Variants in PLCB3 observed in about 807,000 individuals in gnomAD.
PLCB3 encodes 1-phosphatidylinositol 4,5-bisphosphate phosphodiesterase beta-3.
In PLCB3, 54 loss-of-function variants were observed where a neutral mutation model predicts 152.1. The ratio of observed to expected loss-of-function variants is 0.36; its 90% CI spans 0.29 to 0.45. The LOEUF is 0.45. Ranked by LOEUF, PLCB3 falls within the 20% of genes least tolerant of loss-of-function variation. The pLI is 1.00. For synonymous variants in PLCB3, 717 were observed against 698.7 expected, an observed-to-expected ratio of 1.03 and a Z score of -0.41; for missense variants, 1,248 against 1,687.5, an observed-to-expected ratio of 0.74 and a Z score of 4.56.
At chr11:64,253,815 G>A (rs1469799119) in intron 1 of PLCB3, among the ~76,000 whole-genome samples, 7 of 152,208 alleles carry the variant, frequency 4.6e-5, no homozygotes, top group South Asian at 2.1e-4. Flanking sequence ...CTTCTAGGGG[G>A]ACTGTTCTTC....
At chr11:64,263,936 G>A (rs2031983180) in intron 21 of PLCB3, 85 bp from the exon 22 acceptor site, 2 of 1,230,422 alleles carry the variant, frequency 1.6e-6, no homozygotes, top group East Asian at 4.7e-5. Flanking sequence ...ACAAGCTCTG[G>A]AATTCCTCAT....
chr11:64,266,077 T>C lies in PLCB3; in HGVS notation c.3189+38T>C, dbSNP rs372634553. 11 of 1,613,774 alleles carry C rather than the reference T, an allele frequency of 6.8e-6. No homozygotes were observed. The highest frequency in any genetic ancestry group is 5.3e-5 in the African/African-American group (4 of 74,882). On this transcript the variant is annotated intron_variant, in intron 26 of 30. Coordinates refer to ENST00000279230, the MANE Select transcript of PLCB3 (RefSeq NM_000932.5). The surrounding 1 kb of genome is among the most constrained non-coding windows in gnomAD (Gnocchi z 4.9). The stretch of plus-strand genomic sequence containing the variant: ...CAGTGGCCAGGGAAAGCCTGCTGGA[T>C]AGACCCGTCGTCAGCCCGGCATCAC...
Position 64,258,391 on chromosome 11 carries a change from C to A in PLCB3, c.1013-82C>A. On this transcript the variant is annotated intron_variant, in intron 10 of 30. Coordinates refer to ENST00000279230, the MANE Select transcript of PLCB3 (RefSeq NM_000932.5). The surrounding 1 kb of genome is among the most constrained non-coding windows in gnomAD (Gnocchi z 7.2). ...GATGGAGAGCCCTCTGCAAATCCAG[C>A]ATGTCCTGGTTCCAGGTGGGGCCGG... is the stretch of plus-strand genomic sequence containing the variant. The A allele has an allele frequency of 1.3e-6, 2 of 1,497,170 alleles. No individual in the cohort carries two copies. The highest frequency in any genetic ancestry group is 9.0e-7 in the Non-Finnish European group (1 of 1,109,392). 92.7% of individuals were successfully genotyped at this position (1,497,170 alleles called of 1,614,324 possible).
intron 15 of PLCB3, 28 bp downstream of exon 15, chr11:64,261,524 G>A: frequency 1.2e-6 from 2 of 1,608,766 alleles, no homozygotes; most frequent in Non-Finnish European, 8.5e-7. Flanking sequence ...GCAGGCATGG[G>A]AGCTTGCCCA....
Position 64,267,392 on chromosome 11 carries a change from G to T in PLCB3, c.3541G>T (p.Ala1181Ser). The T allele has an allele frequency of 6.5e-7, 1 of 1,543,038 alleles. No individual in the cohort carries two copies. The highest frequency in any genetic ancestry group is 2.0e-5 in the Admixed American group (1 of 51,184). ...GGCCCAGGAGTGTCAGGAGCAGCGG[G>T]CGAGGCTCCCCCAGGAGATCCGCCG... Reference protein sequence around the residue: ...QLAQECQEQRARLPQEIRRSL... With the variant: ...QLAQECQEQRSRLPQEIRRSL... Residue 1181 changes from alanine (A) to serine (S), a missense_variant, in exon 31 of 31, where the codon GCG becomes TCG. By Grantham distance (99) the Ala-to-Ser change is moderately conservative (BLOSUM62 1). Around this residue, in one of 6 missense-constraint regions of PLCB3, gnomAD observed 477 missense variants for 489.6 expected, o/e 0.97. Coordinates refer to ENST00000279230, the MANE Select transcript of PLCB3 (RefSeq NM_000932.5). The surrounding 1 kb of genome is among the most constrained non-coding windows in gnomAD (Gnocchi z 5.2).
At position 64,258,819 on chromosome 11, in the gene PLCB3, A is replaced by G. The variant is rs963067556; in HGVS notation, c.1254-66A>G. 5.6e-6 allele frequency: 9 copies of G among 1,606,102 alleles called. No homozygotes were observed. In the African/African-American group the frequency reaches 8.0e-5, roughly 14 times the overall value. The stretch of plus-strand genomic sequence containing the variant: ...TCCAACCCTGCGAACGGCCACTGAC[A>G]TGTCCCGTAGACCTCAGCTTCCTCT... On this transcript the variant is annotated intron_variant, in intron 11 of 30. Coordinates refer to ENST00000279230, the MANE Select transcript of PLCB3 (RefSeq NM_000932.5). The surrounding 1 kb of genome is among the most constrained non-coding windows in gnomAD (Gnocchi z 7.2).
At position 64,254,395 on chromosome 11, in the gene PLCB3, C is replaced by T; in HGVS notation, c.100-20C>T. 6.2e-7 allele frequency: 1 copy of T among 1,606,052 alleles called. No homozygotes were observed. The highest frequency in any genetic ancestry group is 1.1e-5 in the South Asian group (1 of 90,926). ...CACAGCCCTCACTTCCTGACCCCTG[C>T]TGCCCTGTGCTGTCCTCAGGAGACC... is the stretch of plus-strand genomic sequence containing the variant. On this transcript the variant is annotated intron_variant, in intron 1 of 30. Transcript: ENST00000279230.
In PLCB3 at chr11:64,266,314, G is replaced by T; in HGVS notation, c.3267-1G>T. The T allele has an allele frequency of 6.2e-7, 1 of 1,613,552 alleles. No individual in the cohort carries two copies. The highest frequency in any genetic ancestry group is 1.1e-5 in the South Asian group (1 of 91,034). ...TCCTCTTCCCCTGCCGGCTTCTCCA[G>T]GGAGAAGAAGGAGCTGCAGAAGATC... On this transcript the variant is annotated splice_acceptor_variant, in intron 27 of 30. Coordinates refer to ENST00000279230, the MANE Select transcript of PLCB3 (RefSeq NM_000932.5). LOFTEE classifies it high-confidence loss of function. This position sits in a 1 kb window ranked among gnomAD's most constrained non-coding sequence, Gnocchi z 4.9.
chr11:64,267,086 A>G lies in PLCB3; in HGVS notation c.3415-99A>G. On this transcript the variant is annotated intron_variant, in intron 29 of 30. Transcript: ENST00000279230. The surrounding 1 kb of genome is among the most constrained non-coding windows in gnomAD (Gnocchi z 5.2). ...TGGGATTATAGATGTGAGCCACTGC[A>G]CCCGGCCTCGCCCACCTGACTTCTA... is the stretch of plus-strand genomic sequence containing the variant. 1 of 1,038,874 alleles carries G rather than the reference A, an allele frequency of 9.6e-7. No homozygotes were observed. The highest frequency in any genetic ancestry group is 2.6e-5 in the East Asian group (1 of 38,240). 64.4% of individuals were successfully genotyped at this position (1,038,874 alleles called of 1,614,324 possible).
chr11:64,267,251 C>T lies in PLCB3; in HGVS notation c.3481C>T (p.Leu1161=). The change falls in exon 30 of 31, where the codon CTG becomes TTG. Residue 1161 remains leucine, a synonymous_variant. Coordinates refer to ENST00000279230, the MANE Select transcript of PLCB3 (RefSeq NM_000932.5). The surrounding 1 kb of genome is among the most constrained non-coding windows in gnomAD (Gnocchi z 5.2). ...VAGQQQVLQQ[L]AEEEPKLLAQ... is the part of the protein sequence containing the mutation. ...TGGGCAGCAGCAGGTCCTGCAACAG[C>T]TGGCAGAAGAGGAGCCCAAGGTGAG... 6.4e-7 allele frequency: 1 copy of T among 1,550,814 alleles called. No homozygotes were observed. Among genetic ancestry groups the T allele is most frequent in the Non-Finnish European group, 8.7e-7 (1 of 1,146,978 alleles).
chr11:64,262,215 C>T (rs2031888146), intron 17 of PLCB3, 139 bp downstream of exon 17: 2 of 1,351,846 alleles, frequency 1.5e-6, no homozygotes, highest in Admixed American at 1.8e-5. Flanking sequence ...CCCGACTCAC[C>T]CCGCCTCCTG....
Position 64,267,505 on chromosome 11 carries a change from G to A in PLCB3, c.3654G>A (p.Gly1218=), listed in dbSNP as rs1284197597. The change falls in exon 31 of 31, where the codon GGG becomes GGA. Residue 1218 remains glycine (G), a synonymous_variant. Coordinates refer to ENST00000279230, the MANE Select transcript of PLCB3 (RefSeq NM_000932.5). The surrounding 1 kb of genome is among the most constrained non-coding windows in gnomAD (Gnocchi z 5.2). ...ASNGHAPGSS[G]HLSGADSESQ... ...ACGGTCACGCACCCGGGAGCAGCGG[G>A]CACCTGTCGGGCGCTGACTCGGAGA... 2 of 1,569,924 alleles carry A rather than the reference G, an allele frequency of 1.3e-6. No individual in the cohort carries two copies. Among genetic ancestry groups the A allele is most frequent in the Non-Finnish European group, 8.6e-7 (1 of 1,161,952 alleles).
At position 64,255,278 on chromosome 11, in the gene PLCB3, T is replaced by G. The variant is rs1278678318; in HGVS notation, c.432T>G (p.Ala144=). The change falls in exon 5 of 31, where the codon GCT becomes GCG. Residue 144 remains alanine, a synonymous_variant. Coordinates refer to ENST00000279230, the MANE Select transcript of PLCB3 (RefSeq NM_000932.5). The surrounding 1 kb of genome is among the most constrained non-coding windows in gnomAD (Gnocchi z 6.8). The part of the protein sequence containing the change: ...ELFKLAMNIL[A]QNASRNTFLR... ...TCAAGCTGGCTATGAACATCCTGGC[T>G]CAGAACGCCTCCCGGAACACCTTCC... 6.2e-7 allele frequency: 1 copy of G among 1,613,726 alleles called. No individual in the cohort carries two copies. Among genetic ancestry groups the G allele is most frequent in the Non-Finnish European group, 8.5e-7 (1 of 1,179,988 alleles).
At position 64,265,073 on chromosome 11, in the gene PLCB3, C is replaced by A; in HGVS notation, c.2775C>A (p.Thr925=). The A allele has an allele frequency of 6.5e-7, 1 of 1,544,632 alleles. No individual in the cohort carries two copies. Among genetic ancestry groups the A allele is most frequent in the East Asian group, 2.4e-5 (1 of 41,220 alleles). ...ASPRRPPGPT[T]SPASTSLSSP... The stretch of plus-strand genomic sequence containing the variant: ...CCCGCCGGCCCCCTGGCCCCACCAC[C>A]TCCCCTGCCAGCACCTCCCTCAGCA... The change falls in exon 23 of 31, where the codon ACC becomes ACA. Residue 925 remains threonine, a synonymous_variant. Coordinates refer to ENST00000279230, the MANE Select transcript of PLCB3 (RefSeq NM_000932.5).
At position 64,266,168 on chromosome 11, in the gene PLCB3, A is replaced by G. The variant is rs769589327; in HGVS notation, c.3232A>G (p.Thr1078Ala). 3.7e-6 allele frequency: 6 copies of G among 1,613,898 alleles called. No individual in the cohort carries two copies. The highest frequency in any genetic ancestry group is 5.1e-6 in the Non-Finnish European group (6 of 1,179,968). The change falls in exon 27 of 31, where the codon ACT becomes GCT. Residue 1078 changes from threonine (T) to alanine (A), a missense_variant. By Grantham distance (58) the Thr-to-Ala change is moderately conservative. Transcript: ENST00000279230. This position sits in a 1 kb window ranked among gnomAD's most constrained non-coding sequence, Gnocchi z 4.9. Reference protein sequence around the residue: ...LREVVLDANTTQFKRLKEMNE... With the variant: ...LREVVLDANTAQFKRLKEMNE... ...GGAGGTCGTCCTTGATGCAAACACAACTCAGTTCAAGAGGCTGAAAGAGAT... is the reference window on the plus strand; with the variant it reads ...GGAGGTCGTCCTTGATGCAAACACAGCTCAGTTCAAGAGGCTGAAAGAGAT...
chr11:64,259,432 G>T (rs959063085), intron 13 of PLCB3, among the ~76,000 whole-genome samples, 188 bp downstream of exon 13: 5 of 152,020 alleles, frequency 3.3e-5, no homozygotes, highest in Admixed American at 6.5e-5. Context: ...GACCTCAGGT[G>T]CACGTCTCAC....
Position 64,267,326 on chromosome 11 carries a change from C to T in PLCB3, c.3502-27C>T, listed in dbSNP as rs1341381191. On this transcript the variant is annotated intron_variant, in intron 30 of 30. Coordinates refer to ENST00000279230, the MANE Select transcript of PLCB3 (RefSeq NM_000932.5). The surrounding 1 kb of genome is among the most constrained non-coding windows in gnomAD (Gnocchi z 5.2). ...CGGGGTGCAAGGCAGCCAGGCCTCG[C>T]CTGTGATGCCCATCCTTCTCCCACA... The T allele has an allele frequency of 1.3e-6, 2 of 1,549,928 alleles. No individual in the cohort carries two copies. The highest frequency in any genetic ancestry group is 1.7e-6 in the Non-Finnish European group (2 of 1,146,150).
intron 23 of PLCB3, 24 bp from the exon 24 acceptor site, chr11:64,265,168 C>A (rs2032051033): frequency 1.3e-6 from 2 of 1,582,668 alleles, no homozygotes; most frequent in Non-Finnish European, 1.7e-6. Context: ...TCCTCCAGCT[C>A]CTCACAGGGC....
chr11:64,258,769 A>G lies in PLCB3; in HGVS notation c.1253+56A>G. On this transcript the variant is annotated intron_variant, in intron 11 of 30. Coordinates refer to ENST00000279230, the MANE Select transcript of PLCB3 (RefSeq NM_000932.5). The surrounding 1 kb of genome is among the most constrained non-coding windows in gnomAD (Gnocchi z 7.2). ...GACCGGGGGACAGTCTTCCAGCTTC[A>G]GTGCTGTTGGACTGCTCAGGGACCT... 1 of 1,608,846 alleles carries G rather than the reference A, an allele frequency of 6.2e-7. No individual in the cohort carries two copies. The highest frequency in any genetic ancestry group is 2.2e-5 in the East Asian group (1 of 44,788).
Sources: gnomAD v4.1 joint callset for allele counts (sites outside exome capture counted in the v4.1 genomes callset) on GRCh38, gnomAD v4.1.1 for gene constraint, gnomAD v4.1.1 regional missense constraint, Gnocchi (gnomAD v3.1) non-coding constraint, MANE v1.5 for transcripts, NCBI Gene and HGNC (gene_info 2026-07-23, HGNC 2026-07-21) for gene names.